The following FSTL5 variants were observed in gnomAD, a reference collection of about 807,000 sequenced individuals.
The protein encoded by FSTL5 is follistatin like 5.
In FSTL5, 62 loss-of-function variants were observed where a neutral mutation model predicts 89.1. That is an observed-to-expected ratio of 0.70 (90% CI 0.57 to 0.86). FSTL5 has a LOEUF of 0.86. Among genes scored for constraint, FSTL5 ranks in the 40% least tolerant of loss-of-function variants. The pLI, the probability that FSTL5 is intolerant of heterozygous loss-of-function variation, is 0.00. For missense variants in FSTL5, 1,057 were observed against 1,001.6 expected, an observed-to-expected ratio of 1.06 and a Z score of -0.75; for synonymous variants, 383 against 346.2, an observed-to-expected ratio of 1.11 and a Z score of -1.18.
chr4:161,966,392 A>G (rs1249066867), intron 3 of FSTL5, among the ~76,000 whole-genome samples: 4 of 152,068 alleles, frequency 2.6e-5, no homozygotes, highest in Admixed American at 1.3e-4. Flanking sequence ...TTTCATGGAC[A>G]CTTAAGGAAA....
chr4:161,637,690 A>G (rs1294583288), intron 7 of FSTL5, among the ~76,000 whole-genome samples: 1 of 116,132 alleles, frequency 8.6e-6, no homozygotes, highest in Non-Finnish European at 1.7e-5. Flanking sequence ...ATGGCTAGCC[A>G]GTTTTCCCAG....
At chr4:161,990,411 G>T (rs908800383) in intron 3 of FSTL5, among the ~76,000 whole-genome samples, 5 of 151,978 alleles carry the variant, frequency 3.3e-5, no homozygotes, top group African/African-American at 1.2e-4. Context: ...CTTATAAAAA[G>T]TTAAAAGATA....
intron 15 of FSTL5, among the ~76,000 whole-genome samples, chr4:161,427,126 G>A (rs948241165): frequency 1.1e-4 from 17 of 152,074 alleles, no homozygotes; most frequent in African/African-American, 2.9e-4. Flanking sequence ...TTACAGTTTC[G>A]TCCAGATGTT....
chr4:161,559,812 C>T (rs1315977802), intron 8 of FSTL5, among the ~76,000 whole-genome samples: 1 of 151,850 alleles, frequency 6.6e-6, no homozygotes, highest in African/African-American at 2.4e-5. Context: ...CCATGGGAAG[C>T]TCATTCTGTA....
chr4:161,445,379 G>C (rs1034023158), intron 15 of FSTL5, among the ~76,000 whole-genome samples: 2 of 151,582 alleles, frequency 1.3e-5, no homozygotes, highest in South Asian at 4.1e-4. Context: ...TAATAAAAAA[G>C]TTAATCTTTC....
At chr4:161,900,951 C>G (rs1437373413) in intron 4 of FSTL5, among the ~76,000 whole-genome samples, 1 of 151,830 alleles carries the variant, frequency 6.6e-6, no homozygotes, top group Admixed American at 6.6e-5. Flanking sequence ...TTTACACTAT[C>G]CACCTGGAGA....
intron 6 of FSTL5, among the ~76,000 whole-genome samples, chr4:161,664,508 C>G (rs1159994520): frequency 6.6e-6 from 1 of 152,136 alleles, no homozygotes; most frequent in Non-Finnish European, 1.5e-5. Context: ...CAACAAGTTC[C>G]TCATCTCCAT....
In FSTL5 at chr4:162,064,287, A is replaced by G. The variant is rs112232994; in HGVS notation, c.127-30629T>C. Among the ~76,000 whole-genome samples, 449 of 152,144 alleles carry G rather than the reference A, an allele frequency of 3.0e-3. 4 individuals are homozygous for G. The highest frequency in any genetic ancestry group is 9.9e-3 in the African/African-American group (413 of 41,556). ...TTGCTAACTGCATCTGTGGCTACTT[A>G]CTAGAAGGGATGTGAAATGTTTTAT... On this transcript the variant is annotated intron_variant, in intron 2 of 15. Coordinates refer to ENST00000306100, the MANE Select transcript of FSTL5 (RefSeq NM_020116.5).
chr4:162,078,904 T>A (rs879528066), intron 2 of FSTL5, among the ~76,000 whole-genome samples: 1 of 151,630 alleles, frequency 6.6e-6, no homozygotes, highest in Non-Finnish European at 1.5e-5. Flanking sequence ...ATAAGCAAAA[T>A]CACTAAACTC....
At chr4:161,941,862 T>C (rs933265952) in intron 3 of FSTL5, among the ~76,000 whole-genome samples, 2 of 151,994 alleles carry the variant, frequency 1.3e-5, no homozygotes, top group African/African-American at 2.4e-5. Flanking sequence ...ACAGAAAACA[T>C]GCCCCAGGAT....
At chr4:161,693,136 A>C (rs1738010721) in intron 6 of FSTL5, among the ~76,000 whole-genome samples, 1 of 151,856 alleles carries the variant, frequency 6.6e-6, no homozygotes, top group Non-Finnish European at 1.5e-5. Context: ...AACCTTAACC[A>C]CCTCTGGATT....
chr4:162,052,077 T>C (rs1738395899), intron 2 of FSTL5, among the ~76,000 whole-genome samples: 1 of 151,478 alleles, frequency 6.6e-6, no homozygotes, highest in Admixed American at 6.6e-5. Flanking sequence ...AAGTAGAATT[T>C]TAAAATAAAC....
chr4:162,070,246 T>C (rs887413209), intron 2 of FSTL5, among the ~76,000 whole-genome samples: 15 of 152,034 alleles, frequency 9.9e-5, no homozygotes, highest in South Asian at 4.1e-4. Context: ...ATTGAGTTCC[T>C]TGGATATTTT....
At chr4:161,684,941 G>A (rs1030626462) in intron 6 of FSTL5, among the ~76,000 whole-genome samples, 4 of 152,106 alleles carry the variant, frequency 2.6e-5, no homozygotes, top group Admixed American at 6.6e-5. Flanking sequence ...GGTGAGAGAC[G>A]AAGATCCAGT....
At chr4:161,756,716 G>C (rs1740583975) in intron 6 of FSTL5, among the ~76,000 whole-genome samples, 1 of 152,058 alleles carries the variant, frequency 6.6e-6, no homozygotes, top group Non-Finnish European at 1.5e-5. Context: ...TATTTTTACT[G>C]ATAGGGCCAG....
At chr4:161,664,255 C>A (rs2126690630) in intron 6 of FSTL5, among the ~76,000 whole-genome samples, 1 of 152,302 alleles carries the variant, frequency 6.6e-6, no homozygotes, top group South Asian at 2.1e-4. Context: ...ATGGATCTTT[C>A]TTTTCTATCG....
At chr4:161,819,685 C>T (rs950494993) in intron 4 of FSTL5, among the ~76,000 whole-genome samples, 2 of 151,950 alleles carry the variant, frequency 1.3e-5, no homozygotes, top group Non-Finnish European at 2.9e-5. Context: ...CCTCAAAATT[C>T]ATGAATGAAA....
chr4:162,049,559 C>A (rs1738313618), intron 2 of FSTL5, among the ~76,000 whole-genome samples: 1 of 152,120 alleles, frequency 6.6e-6, no homozygotes, highest in African/African-American at 2.4e-5. Flanking sequence ...AGAGGCGATT[C>A]TTTGGTGCCT....
chr4:162,087,004 A>G (rs1048110531), intron 2 of FSTL5, among the ~76,000 whole-genome samples: 5 of 152,094 alleles, frequency 3.3e-5, no homozygotes, highest in African/African-American at 1.2e-4. Context: ...TGTTTTATTT[A>G]TAGCCACAAA....
Sources: gnomAD v4.1 joint callset for allele counts (sites outside exome capture counted in the v4.1 genomes callset) on GRCh38, gnomAD v4.1.1 for gene constraint, MANE v1.5 for transcripts, NCBI Gene and HGNC (gene_info 2026-07-23, HGNC 2026-07-21) for gene names.